Variants in PTPRM observed in about 807,000 individuals in gnomAD.
The protein encoded by PTPRM is protein tyrosine phosphatase receptor type M, also known as receptor-type tyrosine-protein phosphatase mu.
PTPRM carries 47 observed loss-of-function variants against 186.7 expected under a neutral mutation model. The observed-to-expected ratio is 0.25, with a 90% CI of 0.20 to 0.32. The LOEUF (loss-of-function observed/expected upper bound fraction) is 0.32. Ranked by LOEUF, PTPRM falls within the 10% of genes least tolerant of loss-of-function variation. PTPRM has a pLI of 1.00. For missense variants in PTPRM, 1,494 were observed against 1,865.0 expected (o/e 0.80, Z 3.66); for synonymous variants, 668 against 674.9 (o/e 0.99, Z 0.16).
intron 7 of PTPRM, among the ~76,000 whole-genome samples, chr18:8,030,023 C>A (rs1469419385): frequency 1.3e-5 from 2 of 152,208 alleles, no homozygotes; most frequent in African/African-American, 4.8e-5. Flanking sequence ...ACAGCGCAGA[C>A]CAATCCATTC....
In PTPRM at chr18:7,834,528, A is replaced by ACACACACACACT. The variant is rs763752808; in HGVS notation, c.197-53577_197-53576insACACACACACTC. On this transcript the variant is annotated intron_variant, in intron 2 of 32. Transcript: ENST00000580170. ...CACACACACACACACACACACACAC[A>ACACACACACACT]CTTCCAGACTCATTCTTTCAGGTCA... Among the ~76,000 whole-genome samples, 633 of 146,184 alleles carry ACACACACACACT rather than the reference A, an allele frequency of 4.3e-3. 5 individuals are homozygous for ACACACACACACT. Among genetic ancestry groups the ACACACACACACT allele is most frequent in the African/African-American group, 0.015 (561 of 38,514 alleles).
intron 24 of PTPRM, among the ~76,000 whole-genome samples, chr18:8,374,076 A>G (rs1403126669): frequency 2.0e-5 from 3 of 152,206 alleles, no homozygotes; most frequent in Non-Finnish European, 4.4e-5. Context: ...CTGCTATGTC[A>G]ATGAACAAGA....
At chr18:8,165,649 T>C (rs1004928589) in intron 14 of PTPRM, among the ~76,000 whole-genome samples, 2 of 152,216 alleles carry the variant, frequency 1.3e-5, no homozygotes, top group East Asian at 3.9e-4. Context: ...TGCTGCATTA[T>C]TTTTAGGCAC....
chr18:8,169,532 G>A (rs1040572942), intron 14 of PTPRM, among the ~76,000 whole-genome samples: 1 of 152,062 alleles, frequency 6.6e-6, no homozygotes, highest in African/African-American at 2.4e-5. Context: ...AGATAGCAGT[G>A]ATTTAGACAT....
chr18:7,760,547 C>T lies in PTPRM; in HGVS notation c.74-13602C>T, dbSNP rs147405968. ...ATTCTGAGGATCACAGGGTGAAAAA[C>T]TCAGTGATCCAAGTCATCATGCTTT... On this transcript the variant is annotated intron_variant, in intron 1 of 32. Coordinates refer to ENST00000580170, the MANE Select transcript of PTPRM (RefSeq NM_001105244.2). Among the ~76,000 whole-genome samples, 115 of 152,244 alleles carry T rather than the reference C, an allele frequency of 7.6e-4. 1 individual carries two copies. The highest frequency in any genetic ancestry group is 2.7e-3 in the African/African-American group (112 of 41,546).
rs138142715 is a variant in PTPRM, at chr18:8,015,300, A to G, written c.1133-54386A>G. Among the ~76,000 whole-genome samples the G allele has an allele frequency of 1.8e-3, 279 of 152,364 alleles. 2 individuals carry two copies. Among genetic ancestry groups the G allele is most frequent in the African/African-American group, 5.8e-3 (242 of 41,592 alleles). ...GATAACAGAAACAGTTGATTGACAC[A>G]TATTTTTAAATAAATATAATATTTC... On this transcript the variant is annotated intron_variant, in intron 7 of 32. Coordinates refer to ENST00000580170, the MANE Select transcript of PTPRM (RefSeq NM_001105244.2).
chr18:7,582,142 T>C (rs1166428678), intron 1 of PTPRM, among the ~76,000 whole-genome samples: 2 of 152,172 alleles, frequency 1.3e-5, no homozygotes, highest in African/African-American at 2.4e-5. Context: ...CCTCAAAACT[T>C]AGTGACCTAA....
At chr18:8,339,179 GAA>G (rs531659455) in intron 22 of PTPRM, among the ~76,000 whole-genome samples, 1 of 141,228 alleles carries the variant, frequency 7.1e-6, no homozygotes, top group Admixed American at 7.0e-5. Flanking sequence ...GTTTTTTATT[GAA>G]AAAAAAAAAC....
intron 7 of PTPRM, among the ~76,000 whole-genome samples, chr18:7,991,153 G>A (rs1310996567): frequency 1.3e-5 from 2 of 152,068 alleles, no homozygotes; most frequent in Admixed American, 6.6e-5. Flanking sequence ...GAGAGCATTA[G>A]GGAAACTTCA....
At chr18:8,394,422 AAGATGCAGTGTAAAGAC>A (rs2095835493) in intron 31 of PTPRM, 37 bp from the exon 32 acceptor site, 1 of 1,528,830 alleles carries the variant, frequency 6.5e-7, no homozygotes, top group Non-Finnish European at 8.8e-7. Flanking sequence ...AGGTGTTTGC[AAGATGCAGTGTAAAGAC>A]AGACCGAGTG....
intron 1 of PTPRM, among the ~76,000 whole-genome samples, chr18:7,667,923 G>A (rs2039133985): frequency 1.3e-5 from 2 of 151,930 alleles, no homozygotes; most frequent in Non-Finnish European, 2.9e-5. Context: ...CTGTATTAAT[G>A]TTTATTTATA....
At chr18:7,627,877 A>C (rs1333180683) in intron 1 of PTPRM, among the ~76,000 whole-genome samples, 8 of 152,176 alleles carry the variant, frequency 5.3e-5, no homozygotes, top group Non-Finnish European at 1.2e-4. Context: ...TACAGTGACT[A>C]GAGTCAGAAG....
chr18:7,621,495 T>G (rs914376072), intron 1 of PTPRM, among the ~76,000 whole-genome samples: 7 of 152,050 alleles, frequency 4.6e-5, no homozygotes, highest in Non-Finnish European at 8.8e-5. Context: ...ACAGTTTACA[T>G]TAGTGGGCCA....
rs565894726 is a variant in PTPRM at position 8,195,046 on chromosome 18, C to A, written c.2301-49012C>A. On this transcript the variant is annotated intron_variant, in intron 14 of 32. Coordinates refer to ENST00000580170, the MANE Select transcript of PTPRM (RefSeq NM_001105244.2). ...CAGCATCCACCCTGAGGACAACATT[C>A]TGCACAGAAACCTCTCAAAACTACA... Among the ~76,000 whole-genome samples the A allele has an allele frequency of 2.0e-5, 3 of 152,050 alleles. No homozygotes were observed. In the East Asian group the frequency reaches 5.8e-4, roughly 29 times the overall value.
chr18:8,286,465 C>T (rs1020397141), intron 19 of PTPRM, among the ~76,000 whole-genome samples: 3 of 152,194 alleles, frequency 2.0e-5, no homozygotes, highest in Admixed American at 2.0e-4. Context: ...CCAGTGCAGG[C>T]TCATTGTTTT....
At chr18:7,916,751 G>A (rs555083450) in intron 4 of PTPRM, among the ~76,000 whole-genome samples, 1 of 152,180 alleles carries the variant, frequency 6.6e-6, no homozygotes, top group Non-Finnish European at 1.5e-5. Flanking sequence ...GGATTAATTA[G>A]CTTATCACCT....
At chr18:8,006,190 T>A (rs984177929) in intron 7 of PTPRM, among the ~76,000 whole-genome samples, 2 of 152,246 alleles carry the variant, frequency 1.3e-5, no homozygotes, top group Non-Finnish European at 2.9e-5. Flanking sequence ...GCATAGCTAA[T>A]AGCTACTGCT....
chr18:8,325,663 A>G (rs1470364779), intron 22 of PTPRM, among the ~76,000 whole-genome samples: 2 of 152,288 alleles, frequency 1.3e-5, no homozygotes, highest in Admixed American at 1.3e-4. Context: ...TGAATCATAT[A>G]GAATGATTTA....
At chr18:7,634,030 G>C (rs534330660) in intron 1 of PTPRM, among the ~76,000 whole-genome samples, 1 of 152,032 alleles carries the variant, frequency 6.6e-6, no homozygotes, top group Admixed American at 6.6e-5. Context: ...TCCAAGGCCC[G>C]CTGGGTATGG....
Sources: gnomAD v4.1 joint callset for allele counts (sites outside exome capture counted in the v4.1 genomes callset) on GRCh38, gnomAD v4.1.1 for gene constraint, MANE v1.5 for transcripts, NCBI Gene and HGNC (gene_info 2026-07-23, HGNC 2026-07-21) for gene names.